ZBTB44: variants seen among roughly 807,000 people sequenced by gnomAD.
ZBTB44 encodes zinc finger and BTB domain containing 44.
A neutral mutation model predicts 54.0 loss-of-function variants in ZBTB44; 15 were observed. The ratio of observed to expected loss-of-function variants is 0.28; its 90% CI spans 0.19 to 0.43. The LOEUF is 0.43. Among genes scored for constraint, ZBTB44 ranks in the 20% least tolerant of loss-of-function variants. The pLI is 1.00. For synonymous variants in ZBTB44, 230 were observed against 250.1 expected, an observed-to-expected ratio of 0.92 and a Z score of 0.76; for missense variants, 487 against 707.1, an observed-to-expected ratio of 0.69 and a Z score of 3.53.
chr11:130,307,060 C>A (rs1165939274), intron 1 of ZBTB44, among the ~76,000 whole-genome samples: 6 of 146,422 alleles, frequency 4.1e-5, no homozygotes, highest in Non-Finnish European at 9.0e-5. Context: ...AAAAAAAAAT[C>A]AAAGAACAAG....
chr11:130,261,877 T>TA lies in ZBTB44; in HGVS notation c.-5_-4insT. On this transcript the variant is annotated 5_prime_UTR_variant, in exon 2 of 8. Coordinates refer to ENST00000357899, the MANE Select transcript of ZBTB44 (RefSeq NM_001301098.2). The surrounding 1 kb of genome is among the most constrained non-coding windows in gnomAD (Gnocchi z 4.8). ...GAGTAAATGTTTTCACACCCATCTT[T>TA]TACTTCCTCTTCTACAGATGCTCTT... The TA allele has an allele frequency of 6.3e-7, 1 of 1,596,344 alleles. No homozygotes were observed. The highest frequency in any genetic ancestry group is 8.6e-7 in the Non-Finnish European group (1 of 1,169,374).
chr11:130,261,646 A>G lies in ZBTB44; in HGVS notation c.228T>C (p.His76=), dbSNP rs749496320. ...GAGGTATAAAGCCAGTCACTGTAAC[A>G]TGATGCAGATCCAACACATTCTTGT... ...DENKNVLDLH[H]VTVTGFIPLL... The change falls in exon 2 of 8, where the codon CAT becomes CAC. Residue 76 remains histidine, a synonymous_variant. Transcript: ENST00000357899. This position sits in a 1 kb window ranked among gnomAD's most constrained non-coding sequence, Gnocchi z 4.8. 148 of 1,613,946 alleles carry G rather than the reference A, an allele frequency of 9.2e-5. No homozygotes were observed. Among genetic ancestry groups the G allele is most frequent in the South Asian group, 4.2e-4 (38 of 91,094 alleles).
At chr11:130,241,338 G>C (rs1041581357) in intron 2 of ZBTB44, among the ~76,000 whole-genome samples, 13 of 152,230 alleles carry the variant, frequency 8.5e-5, no homozygotes, top group African/African-American at 2.9e-4. Context: ...TAGTATATCA[G>C]AGTTGTGCTG....
intron 1 of ZBTB44, among the ~76,000 whole-genome samples, chr11:130,284,460 G>C (rs1940785271): frequency 6.6e-6 from 1 of 152,162 alleles, no homozygotes; most frequent in African/African-American, 2.4e-5. Context: ...AGTAAACCAA[G>C]TCAGTTACTT....
rs376437625 is a variant in ZBTB44 at position 130,261,286 on chromosome 11, T to G, written c.588A>C (p.Val196=). The change falls in exon 2 of 8, where the codon GTA becomes GTC. Residue 196 remains valine (V), a synonymous_variant. Coordinates refer to ENST00000357899, the MANE Select transcript of ZBTB44 (RefSeq NM_001301098.2). This position sits in a 1 kb window ranked among gnomAD's most constrained non-coding sequence, Gnocchi z 4.8. ...SYIVMSPESP[V]KCGTQTSSPQ... The stretch of plus-strand genomic sequence containing the variant: ...GTGAGCTTGTTTGTGTGCCACACTT[T>G]ACAGGACTTTCAGGAGACATAACAA... The G allele has an allele frequency of 1.2e-6, 2 of 1,613,910 alleles. No individual in the cohort carries two copies. The highest frequency in any genetic ancestry group is 1.7e-6 in the Non-Finnish European group (2 of 1,179,896).
chr11:130,285,940 A>G (rs1439479875), intron 1 of ZBTB44: 1 of 152,356 alleles, frequency 6.6e-6, no homozygotes, highest in Non-Finnish European at 1.5e-5. Context: ...GTGATTTGAT[A>G]ATAGTGTAAG....
At chr11:130,302,051 CAAAAA>C (rs35397908) in intron 1 of ZBTB44, among the ~76,000 whole-genome samples, 1 of 87,766 alleles carries the variant, frequency 1.1e-5, no homozygotes. Context: ...GACCCTGTCT[CAAAAA>C]AAAAAAAAAA....
chr11:130,262,020 A>G, intron 1 of ZBTB44, 91 bp from the exon 2 acceptor site: 2 of 960,648 alleles, frequency 2.1e-6, no homozygotes, highest in African/African-American at 3.3e-5. Flanking sequence ...GTACTAAATT[A>G]AAAAGCTGAA....
chr11:130,271,413 T>G (rs1939660428), intron 1 of ZBTB44, among the ~76,000 whole-genome samples: 1 of 152,180 alleles, frequency 6.6e-6, no homozygotes, highest in South Asian at 2.1e-4. Flanking sequence ...CTGGAATATC[T>G]GACCAGATAA....
intron 1 of ZBTB44, among the ~76,000 whole-genome samples, chr11:130,281,605 G>C (rs567547107): frequency 9.2e-5 from 14 of 151,636 alleles, no homozygotes; most frequent in Non-Finnish European, 5.9e-5. Context: ...GTTTTTTGGG[G>C]GGGGGATGGA....
chr11:130,295,700 C>T, intron 1 of ZBTB44: 2 of 1,514,316 alleles, frequency 1.3e-6, no homozygotes, highest in Non-Finnish European at 1.8e-6. Flanking sequence ...TTCTGGAAGG[C>T]AGGGATCTTC....
chr11:130,240,328 C>A (rs564556), intron 2 of ZBTB44, among the ~76,000 whole-genome samples: 86,696 of 151,920 alleles, frequency 0.57, 28,064 homozygotes, highest in Admixed American at 0.7. Context: ...GCGTGAGCCA[C>A]CGCACCCAGC....
intron 1 of ZBTB44, among the ~76,000 whole-genome samples, chr11:130,308,874 T>C (rs761098393): frequency 8.5e-5 from 13 of 152,204 alleles, no homozygotes; most frequent in Non-Finnish European, 1.5e-5. Flanking sequence ...AAGCAGTGAT[T>C]GTGGAGTCCT....
chr11:130,303,528 G>C (rs938130067), intron 1 of ZBTB44, among the ~76,000 whole-genome samples: 1 of 152,078 alleles, frequency 6.6e-6, no homozygotes, highest in Non-Finnish European at 1.5e-5. Context: ...CCAGCTACTC[G>C]GGAGGCTGAG....
Position 130,314,610 on chromosome 11 carries a change from G to A in ZBTB44, c.-292C>T, listed in dbSNP as rs1226771720. 6.6e-6 allele frequency: 1 copy of A among 151,858 alleles called. No individual in the cohort carries two copies. Among genetic ancestry groups the A allele is most frequent in the African/African-American group, 2.4e-5 (1 of 41,318 alleles). 9.4% of individuals were successfully genotyped at this position (151,858 alleles called of 1,614,324 possible). A position where few individuals can be genotyped will look rare whatever the true frequency, so the allele number is the denominator to read the frequency against. On this transcript the variant is annotated 5_prime_UTR_variant, in exon 1 of 8. Transcript: ENST00000357899. ...GCCACCGGCGTGCCCGCGAGTGGGAGTGCGAGGAGGCGGGGAGGGAAGCAC... is the reference window on the plus strand; with the variant it reads ...GCCACCGGCGTGCCCGCGAGTGGGAATGCGAGGAGGCGGGGAGGGAAGCAC...
intron 1 of ZBTB44, among the ~76,000 whole-genome samples, chr11:130,277,733 T>C (rs1254049893): frequency 6.6e-6 from 1 of 152,212 alleles, no homozygotes; most frequent in East Asian, 1.9e-4. Flanking sequence ...GCATTCAAAT[T>C]ACCATCTAGG....
At chr11:130,256,363 G>A (rs996147303) in intron 2 of ZBTB44, among the ~76,000 whole-genome samples, 12 of 152,260 alleles carry the variant, frequency 7.9e-5, no homozygotes, top group Middle Eastern at 3.4e-3. Context: ...CTCAATAGAC[G>A]CAGAAAAGGC....
chr11:130,257,968 G>C (rs1018943671), intron 2 of ZBTB44, among the ~76,000 whole-genome samples: 9 of 152,104 alleles, frequency 5.9e-5, no homozygotes, highest in Admixed American at 2.0e-4. Flanking sequence ...GACACTGCTT[G>C]ATCATCATCC....
chr11:130,292,356 C>T (rs1036556790), intron 1 of ZBTB44, among the ~76,000 whole-genome samples: 13 of 152,060 alleles, frequency 8.5e-5, no homozygotes, highest in Non-Finnish European at 1.6e-4. Flanking sequence ...CACTATCCAC[C>T]AGTATAATAC....
Sources: gnomAD v4.1 joint callset for allele counts (sites outside exome capture counted in the v4.1 genomes callset) on GRCh38, gnomAD v4.1.1 for gene constraint, Gnocchi (gnomAD v3.1) non-coding constraint, MANE v1.5 for transcripts, NCBI Gene and HGNC (gene_info 2026-07-23, HGNC 2026-07-21) for gene names.